The following KCTD8 variants were observed in gnomAD, a reference collection of about 807,000 sequenced individuals.
KCTD8 encodes potassium channel tetramerization domain containing 8.
Under a neutral mutation model 31.5 loss-of-function variants are expected in KCTD8, and 27 were observed. That is an observed-to-expected ratio of 0.86 (90% CI 0.63 to 1.18). KCTD8 has a LOEUF of 1.18. Among genes scored for constraint, KCTD8 ranks in the 50% most tolerant of loss-of-function variants. The probability of loss-of-function intolerance (pLI) is 0.00; values close to 1 mark genes in which losing one functional copy is unlikely to be tolerated. For synonymous variants in KCTD8, 290 were observed against 280.0 expected, an observed-to-expected ratio of 1.04 and a Z score of -0.36; for missense variants, 658 against 647.7, an observed-to-expected ratio of 1.02 and a Z score of -0.17.
chr4:44,438,820 C>T (rs1418297132), intron 1 of KCTD8, among the ~76,000 whole-genome samples: 2 of 152,204 alleles, frequency 1.3e-5, no homozygotes, highest in African/African-American at 4.8e-5. Flanking sequence ...GTGGCAAAAG[C>T]TAACATGTGT....
intron 1 of KCTD8, among the ~76,000 whole-genome samples, chr4:44,304,268 G>T (rs576410386): frequency 7.9e-5 from 12 of 152,144 alleles, no homozygotes; most frequent in Non-Finnish European, 1.6e-4. Context: ...GGTGACAGAA[G>T]AATTGACATG....
chr4:44,354,415 G>T (rs1054269587), intron 1 of KCTD8, among the ~76,000 whole-genome samples: 1 of 152,014 alleles, frequency 6.6e-6, no homozygotes, highest in Non-Finnish European at 1.5e-5. Flanking sequence ...TCTAAACTTT[G>T]GCTCAGGTCA....
chr4:44,332,860 A>G (rs1022917016), intron 1 of KCTD8, among the ~76,000 whole-genome samples: 2 of 151,846 alleles, frequency 1.3e-5, no homozygotes, highest in African/African-American at 4.8e-5. Flanking sequence ...CAGACCAGAG[A>G]TTCTCAACTC....
chr4:44,448,354 G>A lies in KCTD8; in HGVS notation c.170C>T (p.Thr57Ile), dbSNP rs765224919. The A allele has an allele frequency of 6.3e-7, 1 of 1,594,468 alleles. No homozygotes were observed. The highest frequency in any genetic ancestry group is 1.8e-5 in the Admixed American group (1 of 56,574). Reference protein sequence around the residue: ...ELNVGGQVYVTKHSTLLSVPD... With the variant: ...ELNVGGQVYVIKHSTLLSVPD... ...GACGCTGAGCAGCGTCGAGTGCTTGGTCACATAAACCTGGCCGCCTACGTT... is the reference window on the plus strand; with the variant it reads ...GACGCTGAGCAGCGTCGAGTGCTTGATCACATAAACCTGGCCGCCTACGTT... The change falls in exon 1 of 2, where the codon ACC (threonine) becomes ATC (isoleucine). Residue 57 changes from threonine (T) to isoleucine (I), a missense_variant. Physicochemically the swap from Thr to Ile is moderately conservative, Grantham distance 89. Coordinates refer to ENST00000360029, the MANE Select transcript of KCTD8 (RefSeq NM_198353.3). The surrounding 1 kb of genome is among the most constrained non-coding windows in gnomAD (Gnocchi z 4.1).
At chr4:44,268,745 C>G (rs1716474734) in intron 1 of KCTD8, among the ~76,000 whole-genome samples, 1 of 152,000 alleles carries the variant, frequency 6.6e-6, no homozygotes, top group South Asian at 2.1e-4. Flanking sequence ...TCTTATACAC[C>G]AATAACAGAC....
At position 44,411,531 on chromosome 4, in the gene KCTD8, T is replaced by C. The variant is rs533238073; in HGVS notation, c.961+36032A>G. Among the ~76,000 whole-genome samples, 3 of 152,270 alleles carry C rather than the reference T, an allele frequency of 2.0e-5. No individual in the cohort carries two copies. In the South Asian group the frequency reaches 6.2e-4, roughly 32 times the overall value. Reference sequence around the variant, plus strand: ...TATAAAAATGAATGTATGTTTTTTATGTTTTTTCAAATGTGATACACATGG... The same window carrying C: ...TATAAAAATGAATGTATGTTTTTTACGTTTTTTCAAATGTGATACACATGG... On this transcript the variant is annotated intron_variant, in intron 1 of 1. Transcript: ENST00000360029.
intron 1 of KCTD8, among the ~76,000 whole-genome samples, chr4:44,443,325 A>G (rs1721859071): frequency 6.6e-6 from 1 of 152,232 alleles, no homozygotes; most frequent in Non-Finnish European, 1.5e-5. Context: ...TTAGGCTCAT[A>G]AAAGATGCAA....
chr4:44,447,302 C>T (rs1219929906), intron 1 of KCTD8, among the ~76,000 whole-genome samples: 1 of 152,208 alleles, frequency 6.6e-6, no homozygotes, highest in Non-Finnish European at 1.5e-5. Flanking sequence ...AAGGCAAGAT[C>T]AATAAAGTTC....
chr4:44,383,724 A>C (rs1046784218), intron 1 of KCTD8, among the ~76,000 whole-genome samples: 22 of 152,110 alleles, frequency 1.4e-4, no homozygotes, highest in East Asian at 7.7e-4. Context: ...ACTGGAAAAA[A>C]ACACACACAC....
chr4:44,335,071 G>T (rs1287107861), intron 1 of KCTD8, among the ~76,000 whole-genome samples: 1 of 152,046 alleles, frequency 6.6e-6, no homozygotes, highest in Admixed American at 6.6e-5. Flanking sequence ...CTGGCAAAAC[G>T]TTTTTTAAAT....
intron 1 of KCTD8, among the ~76,000 whole-genome samples, chr4:44,300,997 G>A (rs1222989600): frequency 1.3e-5 from 2 of 151,158 alleles, no homozygotes; most frequent in East Asian, 3.9e-4. Context: ...ATAGTTTACT[G>A]AGAATGATGA....
At chr4:44,290,334 C>A (rs930405895) in intron 1 of KCTD8, among the ~76,000 whole-genome samples, 1 of 152,124 alleles carries the variant, frequency 6.6e-6, no homozygotes, top group Non-Finnish European at 1.5e-5. Flanking sequence ...TCTTGACTCA[C>A]AAAAACACAC....
intron 1 of KCTD8, among the ~76,000 whole-genome samples, chr4:44,206,455 G>A (rs1286430515): frequency 3.9e-5 from 6 of 152,108 alleles, no homozygotes; most frequent in Non-Finnish European, 5.9e-5. Context: ...CACTCAAGAT[G>A]AAGCTTTTGC....
intron 1 of KCTD8, among the ~76,000 whole-genome samples, chr4:44,430,683 T>A (rs992545366): frequency 6.6e-6 from 1 of 151,670 alleles, no homozygotes; most frequent in African/African-American, 2.4e-5. Flanking sequence ...AGACAACAGT[T>A]GTAAAAATTC....
chr4:44,329,162 C>A (rs1269433154), intron 1 of KCTD8, among the ~76,000 whole-genome samples: 3 of 143,008 alleles, frequency 2.1e-5, no homozygotes, highest in African/African-American at 7.7e-5. Context: ...AAATCCTCCA[C>A]TTTTTTTTTT....
At chr4:44,280,010 T>G (rs921025158) in intron 1 of KCTD8, among the ~76,000 whole-genome samples, 2 of 152,116 alleles carry the variant, frequency 1.3e-5, no homozygotes, top group African/African-American at 4.8e-5. Flanking sequence ...GCCTAAATCC[T>G]TGGCTTCTCA....
intron 1 of KCTD8, among the ~76,000 whole-genome samples, chr4:44,349,068 A>AGCG (rs1553902840): frequency 1.1e-5 from 1 of 93,976 alleles, no homozygotes; most frequent in Non-Finnish European, 2.6e-5. Context: ...CATCGCTGCC[A>AGCG]CCGCCACCAC....
rs143678775 is a variant in KCTD8 at position 44,438,530 on chromosome 4, G to A, written c.961+9033C>T. Among the ~76,000 whole-genome samples the A allele has an allele frequency of 5.2e-3, 797 of 152,278 alleles. 4 individuals carry two copies. Among genetic ancestry groups the A allele is most frequent in the African/African-American group, 0.018 (755 of 41,556 alleles). ...TTGTGTCATAATTAACCAGTGACCA[G>A]CACTGGACCTGGAAGAGTACATTTT... On this transcript the variant is annotated intron_variant, in intron 1 of 1. Coordinates refer to ENST00000360029, the MANE Select transcript of KCTD8 (RefSeq NM_198353.3).
At position 44,448,080 on chromosome 4, in the gene KCTD8, G is replaced by C. The variant is rs1721997352; in HGVS notation, c.444C>G (p.Pro148=). Residue 148 remains proline (P), a synonymous_variant, in exon 1 of 2, where the codon CCC becomes CCG. Transcript: ENST00000360029. This position sits in a 1 kb window ranked among gnomAD's most constrained non-coding sequence, Gnocchi z 4.1. Reference sequence around the variant, plus strand: ...TGAGAGAGTTCTGCTTGGTGACCTTGGGCGACAGCAGCTTGACCAAGTCGG... The same window carrying C: ...TGAGAGAGTTCTGCTTGGTGACCTTCGGCGACAGCAGCTTGACCAAGTCGG... ...QLTDLVKLLS[P]KVTKQNSLND... 6.2e-7 allele frequency: 1 copy of C among 1,612,480 alleles called. No individual in the cohort carries two copies. Among genetic ancestry groups the C allele is most frequent in the Non-Finnish European group, 8.5e-7 (1 of 1,179,826 alleles).
Sources: allele counts gnomAD v4.1 joint callset (sites outside exome capture counted in the v4.1 genomes callset), GRCh38; gene constraint gnomAD v4.1.1; non-coding constraint Gnocchi (gnomAD v3.1); transcripts MANE v1.5; gene names NCBI Gene and HGNC (gene_info 2026-07-23, HGNC 2026-07-21).